SLC8A3: variants seen among roughly 807,000 people sequenced by gnomAD.
The protein encoded by SLC8A3 is solute carrier family 8 member A3.
SLC8A3 carries 37 observed loss-of-function variants against 65.4 expected under a neutral mutation model. The observed-to-expected ratio is 0.57, with a 90% CI of 0.44 to 0.74. SLC8A3 has a LOEUF of 0.74. SLC8A3 is among the 30% of genes least tolerant of loss of function. The pLI is 0.00. For synonymous variants in SLC8A3, 461 were observed against 444.5 expected (o/e 1.04, Z -0.47); for missense variants, 1,112 against 1,172.1 (o/e 0.95, Z 0.75).
At chr14:70,085,961 A>G (rs78566624) in intron 2 of SLC8A3, among the ~76,000 whole-genome samples, 5,059 of 152,310 alleles carry the variant, frequency 0.033, 293 homozygotes, top group African/African-American at 0.12. Flanking sequence ...CAGAAAGTGA[A>G]CTGAGGAGGT....
intron 2 of SLC8A3, among the ~76,000 whole-genome samples, chr14:70,165,894 C>T (rs1302047319): frequency 6.6e-6 from 1 of 152,226 alleles, no homozygotes; most frequent in Non-Finnish European, 1.5e-5. Flanking sequence ...TTCTCCTTCA[C>T]TGCTTCACCA....
intron 2 of SLC8A3, among the ~76,000 whole-genome samples, chr14:70,103,041 A>G (rs1232497063): frequency 1.3e-5 from 2 of 152,080 alleles, no homozygotes; most frequent in Non-Finnish European, 2.9e-5. Context: ...AGATAAAGAG[A>G]AAAATATCTT....
intron 2 of SLC8A3, among the ~76,000 whole-genome samples, chr14:70,107,386 T>C (rs1460133550): frequency 1.3e-5 from 2 of 152,136 alleles, no homozygotes; most frequent in Non-Finnish European, 2.9e-5. Context: ...CAGATTGTAA[T>C]AAATGTTGCC....
intron 2 of SLC8A3, among the ~76,000 whole-genome samples, chr14:70,105,784 A>G (rs7158025): frequency 0.31 from 46,493 of 151,982 alleles, 8,314 homozygotes; most frequent in Non-Finnish European, 0.39. Flanking sequence ...AAAACCTTAC[A>G]AGAAAAAAAA....
chr14:70,174,680 T>TG (rs1897784584), intron 1 of SLC8A3, among the ~76,000 whole-genome samples: 2 of 129,738 alleles, frequency 1.5e-5, no homozygotes, highest in Non-Finnish European at 3.5e-5. Flanking sequence ...TTTTTTTTTT[T>TG]TTTTTTTTTT....
At chr14:70,090,739 G>A (rs978680272) in intron 2 of SLC8A3, among the ~76,000 whole-genome samples, 1 of 152,294 alleles carries the variant, frequency 6.6e-6, no homozygotes, top group Middle Eastern at 3.4e-3. Flanking sequence ...AAGCAGATCT[G>A]CCATGAAATG....
At chr14:70,066,724 T>G (rs1192173267) in intron 2 of SLC8A3, among the ~76,000 whole-genome samples, 1 of 152,140 alleles carries the variant, frequency 6.6e-6, no homozygotes, top group Non-Finnish European at 1.5e-5. Flanking sequence ...GGCAGGAGAA[T>G]TGCTTGAACC....
chr14:70,156,442 T>C (rs1431808507), intron 2 of SLC8A3, among the ~76,000 whole-genome samples: 1 of 152,190 alleles, frequency 6.6e-6, no homozygotes, highest in Non-Finnish European at 1.5e-5. Flanking sequence ...GATTGGCAGA[T>C]ATTTGGCCTT....
intron 2 of SLC8A3, among the ~76,000 whole-genome samples, chr14:70,102,425 A>G (rs1892604025): frequency 6.6e-6 from 1 of 152,234 alleles, no homozygotes; most frequent in African/African-American, 2.4e-5. Flanking sequence ...TTTCATTTCA[A>G]TATACAGCAA....
intron 2 of SLC8A3, among the ~76,000 whole-genome samples, chr14:70,125,767 T>TA (rs1260558705): frequency 6.6e-6 from 1 of 151,998 alleles, no homozygotes; most frequent in Non-Finnish European, 1.5e-5. Flanking sequence ...AGCTTTTTTT[T>TA]AAAAAAGAAC....
intron 1 of SLC8A3, among the ~76,000 whole-genome samples, chr14:70,185,616 G>A (rs1883139942): frequency 6.6e-6 from 1 of 152,200 alleles, no homozygotes; most frequent in Admixed American, 6.5e-5. Context: ...GAGCTCAGAA[G>A]AGCAGGAACA....
At chr14:70,174,581 G>A (rs1236478898) in intron 1 of SLC8A3, among the ~76,000 whole-genome samples, 1 of 150,764 alleles carries the variant, frequency 6.6e-6, no homozygotes. Context: ...GTGGTAGGAA[G>A]AGGGGACCAG....
intron 2 of SLC8A3, among the ~76,000 whole-genome samples, chr14:70,144,141 A>G (rs1895747439): frequency 6.6e-6 from 1 of 151,972 alleles, no homozygotes; most frequent in African/African-American, 2.4e-5. Context: ...AATAGGATGG[A>G]CCCAGACAAC....
chr14:70,113,097 G>A (rs1893420024), intron 2 of SLC8A3, among the ~76,000 whole-genome samples: 1 of 152,038 alleles, frequency 6.6e-6, no homozygotes. Context: ...CTTCAGCTTG[G>A]GGACAGTCTT....
At chr14:70,063,655 G>C (rs1386279539) in intron 2 of SLC8A3, among the ~76,000 whole-genome samples, 1 of 152,200 alleles carries the variant, frequency 6.6e-6, no homozygotes, top group Non-Finnish European at 1.5e-5. Context: ...GAGGACAGAG[G>C]AGAGGGAGGA....
chr14:70,101,105 CTAA>C (rs2140106478), intron 2 of SLC8A3, among the ~76,000 whole-genome samples: 1 of 152,286 alleles, frequency 6.6e-6, no homozygotes, highest in East Asian at 1.9e-4. Context: ...GTGACAGGCA[CTAA>C]TAATACTGTG....
chr14:70,130,829 T>C (rs1894777716), intron 2 of SLC8A3, among the ~76,000 whole-genome samples: 1 of 152,260 alleles, frequency 6.6e-6, no homozygotes, highest in Non-Finnish European at 1.5e-5. Flanking sequence ...CTTTCTGCTG[T>C]AGTCTAGACT....
At chr14:70,119,471 T>C (rs78445628) in intron 2 of SLC8A3, among the ~76,000 whole-genome samples, 5,122 of 152,316 alleles carry the variant, frequency 0.034, 296 homozygotes, top group African/African-American at 0.12. Context: ...AATCATATGA[T>C]GTCCCAGCTG....
chr14:70,093,985 G>A (rs1281110535), intron 2 of SLC8A3, among the ~76,000 whole-genome samples: 1 of 152,206 alleles, frequency 6.6e-6, no homozygotes, highest in African/African-American at 2.4e-5. Flanking sequence ...GAACACAGGT[G>A]GCTCTGCATA....
Sources: allele counts gnomAD v4.1 joint callset (sites outside exome capture counted in the v4.1 genomes callset), GRCh38; gene constraint gnomAD v4.1.1; transcripts MANE v1.5; gene names NCBI Gene and HGNC (gene_info 2026-07-23, HGNC 2026-07-21).